RFX4: variants seen among roughly 807,000 people sequenced by gnomAD.
The protein encoded by RFX4 is transcription factor RFX4.
RFX4 carries 10 observed loss-of-function variants against 95.0 expected under a neutral mutation model. That is an observed-to-expected ratio of 0.11 (90% CI 0.06 to 0.18). RFX4 has a LOEUF of 0.18. RFX4 is among the 10% of genes least tolerant of loss of function. The probability of loss-of-function intolerance (pLI) is 1.00; values close to 1 mark genes in which losing one functional copy is unlikely to be tolerated. For synonymous variants in RFX4, 321 were observed against 340.7 expected, an observed-to-expected ratio of 0.94 and a Z score of 0.64; for missense variants, 640 against 922.0, an observed-to-expected ratio of 0.69 and a Z score of 3.96.
chr12:106,607,033 A>G (rs1264561472), intron 1 of RFX4, among the ~76,000 whole-genome samples: 1 of 152,132 alleles, frequency 6.6e-6, no homozygotes, highest in Non-Finnish European at 1.5e-5. Context: ...TGTTGTGAGG[A>G]CTCAATGAAA....
chr12:106,706,537 C>T (rs1034319603), intron 8 of RFX4, among the ~76,000 whole-genome samples: 2 of 151,876 alleles, frequency 1.3e-5, no homozygotes, highest in African/African-American at 4.8e-5. Flanking sequence ...GAGACTGTGT[C>T]CAAAATAGCG....
At chr12:106,695,647 A>C (rs1008357431) in intron 7 of RFX4, among the ~76,000 whole-genome samples, 2 of 152,316 alleles carry the variant, frequency 1.3e-5, no homozygotes, top group South Asian at 4.1e-4. Context: ...TCATGTGCCC[A>C]CATAGCTTAC....
At chr12:106,654,499 A>C (rs1347716319) in intron 4 of RFX4, 148 bp downstream of exon 4, 7 of 887,836 alleles carry the variant, frequency 7.9e-6, no homozygotes, top group African/African-American at 1.7e-5. Context: ...TCACTGTAAT[A>C]CTTTGCTATC....
chr12:106,674,581 C>T (rs955496262), intron 4 of RFX4, among the ~76,000 whole-genome samples: 1 of 152,008 alleles, frequency 6.6e-6, no homozygotes, highest in African/African-American at 2.4e-5. Flanking sequence ...CTGCCTGCCT[C>T]ACCCTCCCAA....
chr12:106,761,122 T>C (rs1037506415), intron 17 of RFX4, 75 bp from the exon 18 acceptor site: 1 of 1,466,832 alleles, frequency 6.8e-7, no homozygotes, highest in Non-Finnish European at 9.3e-7. Flanking sequence ...ACTTAAACTA[T>C]AAACATGACT....
At chr12:106,708,199 G>A (rs942369959) in intron 8 of RFX4, among the ~76,000 whole-genome samples, 16 of 152,128 alleles carry the variant, frequency 1.1e-4, no homozygotes, top group East Asian at 5.8e-4. Flanking sequence ...AGAAGGGACC[G>A]TCGGTAATGT....
At chr12:106,717,505 GAATGGTGCCCTTT>G (rs1175112869) in intron 11 of RFX4, among the ~76,000 whole-genome samples, 1 of 152,248 alleles carries the variant, frequency 6.6e-6, no homozygotes, top group Non-Finnish European at 1.5e-5. Context: ...GTCCAGGGCA[GAATGGTGCCCTTT>G]AAAGCTGTGA....
intron 1 of RFX4, among the ~76,000 whole-genome samples, chr12:106,590,429 G>C (rs768266371): frequency 2.6e-5 from 4 of 152,138 alleles, no homozygotes; most frequent in Non-Finnish European, 5.9e-5. Flanking sequence ...AGTTTAAATA[G>C]AGAAACCAAC....
chr12:106,729,952 A>C (rs1055347434), intron 13 of RFX4, among the ~76,000 whole-genome samples: 6 of 152,226 alleles, frequency 3.9e-5, no homozygotes, highest in African/African-American at 1.4e-4. Flanking sequence ...ATTGAGCAGA[A>C]CCTGGACTTT....
intron 1 of RFX4, among the ~76,000 whole-genome samples, chr12:106,593,425 A>G (rs904954562): frequency 6.6e-6 from 1 of 152,258 alleles, no homozygotes; most frequent in African/African-American, 2.4e-5. Context: ...TCCTGAATCC[A>G]TCATGTTGGA....
At chr12:106,680,927 G>A (rs193229775) in intron 4 of RFX4, 28 of 152,268 alleles carry the variant, frequency 1.8e-4, no homozygotes, top group Middle Eastern at 3.4e-3. Context: ...ACTTGCCCAA[G>A]GGCATCCAGC....
chr12:106,601,881 G>A (rs1020197264), intron 1 of RFX4, among the ~76,000 whole-genome samples: 1 of 152,158 alleles, frequency 6.6e-6, no homozygotes, highest in South Asian at 2.1e-4. Context: ...TGCCTGAAAT[G>A]CCCTGCTTCC....
chr12:106,629,357 G>T (rs1428664666), intron 2 of RFX4, among the ~76,000 whole-genome samples: 1 of 152,208 alleles, frequency 6.6e-6, no homozygotes, highest in African/African-American at 2.4e-5. Context: ...TCCAGGTAAA[G>T]CTGTAGGATC....
At chr12:106,610,201 G>C (rs2039930352) in intron 2 of RFX4, among the ~76,000 whole-genome samples, 1 of 136,942 alleles carries the variant, frequency 7.3e-6, no homozygotes, top group African/African-American at 2.8e-5. Context: ...TTGTGCCACT[G>C]CACTCCAGCC....
In RFX4 at chr12:106,658,530, T is replaced by C. The variant is rs149788712; in HGVS notation, c.315+4179T>C. 3.9e-3 allele frequency among the ~76,000 whole-genome samples: 601 copies of C among 152,334 alleles called. 3 individuals are homozygous for C. Among genetic ancestry groups the C allele is most frequent in the African/African-American group, 0.014 (567 of 41,574 alleles). On this transcript the variant is annotated intron_variant, in intron 4 of 17. Transcript: ENST00000392842. Reference sequence around the variant, plus strand: ...CTAAGTCAGACCTTCTTCCTCCTTGTGGCTCAGAATTTGCTCTGGGAAAGA... The same window carrying C: ...CTAAGTCAGACCTTCTTCCTCCTTGCGGCTCAGAATTTGCTCTGGGAAAGA...
intron 3 of RFX4, among the ~76,000 whole-genome samples, chr12:106,645,496 CG>C (rs1001828197): frequency 2.0e-5 from 3 of 151,192 alleles, no homozygotes; most frequent in South Asian, 4.2e-4. Context: ...TTGTCACTTT[CG>C]GGGGGGATTG....
chr12:106,677,019 T>G (rs892843714), intron 4 of RFX4, among the ~76,000 whole-genome samples: 1 of 152,136 alleles, frequency 6.6e-6, no homozygotes, highest in Non-Finnish European at 1.5e-5. Context: ...TTGCTTAGCC[T>G]CTCTAAACCT....
At chr12:106,715,180 T>G in intron 10 of RFX4, 2 of 514,874 alleles carry the variant, frequency 3.9e-6, no homozygotes, top group Non-Finnish European at 3.4e-6. Context: ...CAGTTTCTTG[T>G]AGAGAAAAAG....
chr12:106,583,526 GTGTAACTGGATGCGTGGAAGTA>G, intron 1 of RFX4, 163 bp downstream of exon 1: 1 of 570,436 alleles, frequency 1.8e-6, no homozygotes, highest in Non-Finnish European at 2.9e-6. Context: ...GAGGCGATGT[GTGTAACTGGATGCGTGGAAGTA>G]TGTGTATAAG....
Sources: allele counts gnomAD v4.1 joint callset (sites outside exome capture counted in the v4.1 genomes callset), GRCh38; gene constraint gnomAD v4.1.1; transcripts MANE v1.5; gene names NCBI Gene and HGNC (gene_info 2026-07-23, HGNC 2026-07-21).